The following UBN2 variants were observed in gnomAD, a reference collection of about 807,000 sequenced individuals.
UBN2 encodes the protein ubinuclein-2.
UBN2 carries 35 observed loss-of-function variants against 120.2 expected under a neutral mutation model. That is an observed-to-expected ratio of 0.29 (90% CI 0.22 to 0.39). UBN2 has a LOEUF of 0.39. UBN2 is among the 10% of genes least tolerant of loss of function. The pLI, the probability that UBN2 is intolerant of heterozygous loss-of-function variation, is 1.00. For synonymous variants in UBN2, 661 were observed against 648.7 expected (o/e 1.02, Z -0.29); for missense variants, 1,693 against 1,663.2 (o/e 1.02, Z -0.31).
downstream of UBN2, among the ~76,000 whole-genome samples, chr7:139,309,526 A>G (rs1026743405): frequency 7.9e-5 from 12 of 152,254 alleles, no homozygotes; most frequent in Middle Eastern, 3.2e-3. Flanking sequence ...ATGTTAACAT[A>G]TAAAGGTGTC....
At position 139,302,570 on chromosome 7, in the gene UBN2, A is replaced by T. The variant is rs1318983040; in HGVS notation, c.*4734A>T. On this transcript the variant is annotated 3_prime_UTR_variant, in exon 18 of 18. Transcript: ENST00000473989. ...CGTGGTGGCAGGCGCCTGTAGTCCC[A>T]GCTACTTGGGAGGCTGAGGCAGGAG... The T allele has an allele frequency of 3.9e-5, 6 of 152,292 alleles. No homozygotes were observed. Among genetic ancestry groups the T allele is most frequent in the Admixed American group, 3.9e-4 (6 of 15,270 alleles). The allele number at this position is 152,292 out of a possible 1,614,324, so 9.4% of individuals were successfully genotyped here.
chr7:139,311,095 A>G (rs1461741082), downstream of UBN2, among the ~76,000 whole-genome samples: 1 of 152,218 alleles, frequency 6.6e-6, no homozygotes, highest in Non-Finnish European at 1.5e-5. Context: ...CAAAGCTTTG[A>G]GAAATACTTG....
chr7:139,242,281 C>G (rs976061037), intron 2 of UBN2, among the ~76,000 whole-genome samples: 1 of 152,092 alleles, frequency 6.6e-6, no homozygotes, highest in African/African-American at 2.4e-5. Context: ...ATATCAATTA[C>G]TCATATTATT....
the UBN2 span, among the ~76,000 whole-genome samples, chr7:139,322,617 C>CT: frequency 0.061 from 6,310 of 102,732 alleles, 753 homozygotes; most frequent in African/African-American, 0.19. Flanking sequence ...ACCATCTGGA[C>CT]TTTTTTTTTT....
intron 2 of UBN2, among the ~76,000 whole-genome samples, chr7:139,246,219 G>A (rs1320704027): frequency 6.6e-6 from 1 of 152,066 alleles, no homozygotes; most frequent in Non-Finnish European, 1.5e-5. Flanking sequence ...ACAAAAATTA[G>A]CTGGGTGTGG....
At chr7:139,242,933 A>C (rs1796362172) in intron 2 of UBN2, among the ~76,000 whole-genome samples, 1 of 152,200 alleles carries the variant, frequency 6.6e-6, no homozygotes, top group African/African-American at 2.4e-5. Context: ...ACAAGTAGGG[A>C]GTCTTGTGAC....
At chr7:139,241,735 G>T (rs1796323692) in intron 2 of UBN2, among the ~76,000 whole-genome samples, 1 of 152,190 alleles carries the variant, frequency 6.6e-6, no homozygotes, top group South Asian at 2.1e-4. Flanking sequence ...AGCGGCCCGT[G>T]CCTGTAATCC....
chr7:139,237,319 CAG>C (rs1554468763), intron 2 of UBN2, among the ~76,000 whole-genome samples: 2 of 152,140 alleles, frequency 1.3e-5, no homozygotes, highest in South Asian at 2.1e-4. Context: ...ATTTTGGAAA[CAG>C]GGTCTCGCTC....
chr7:139,239,876 G>A (rs1796268249), intron 2 of UBN2, among the ~76,000 whole-genome samples: 1 of 152,070 alleles, frequency 6.6e-6, no homozygotes, highest in African/African-American at 2.4e-5. Flanking sequence ...ATTTTGCTGT[G>A]GGTTACAAAA....
the UBN2 span, among the ~76,000 whole-genome samples, chr7:139,315,934 G>A: frequency 5.3e-5 from 8 of 151,824 alleles, no homozygotes; most frequent in Non-Finnish European, 7.4e-5. Flanking sequence ...AAAATTAGCC[G>A]GGCGTGGTGG....
intron 6 of UBN2, among the ~76,000 whole-genome samples, chr7:139,263,975 A>AT (rs1007860392): frequency 6.6e-6 from 1 of 152,120 alleles, no homozygotes; most frequent in East Asian, 1.9e-4. Context: ...AAGGAAATCT[A>AT]TTTTTTATTC....
At chr7:139,240,309 T>A (rs1271115586) in intron 2 of UBN2, among the ~76,000 whole-genome samples, 1 of 151,080 alleles carries the variant, frequency 6.6e-6, no homozygotes, top group African/African-American at 2.4e-5. Flanking sequence ...ATTTATTTGG[T>A]AGAGACAGGG....
At position 139,283,562 on chromosome 7, in the gene UBN2, A is replaced by C; in HGVS notation, c.2657A>C (p.Gln886Pro). ...LLQQGLQRSS[Q>P]IHTSSSSQTH... ...CAACAAGGACTTCAGAGGTCAAGCC[A>C]GATTCACACTTCTTCCTCTTCACAG... The change falls in exon 15 of 18, where the codon CAG becomes CCG. Residue 886 changes from glutamine (Q) to proline (P), a missense_variant. Gln to Pro is a moderately conservative substitution (Grantham distance 76). Coordinates refer to ENST00000473989, the MANE Select transcript of UBN2 (RefSeq NM_173569.4). The C allele has an allele frequency of 6.2e-7, 1 of 1,614,188 alleles. No homozygotes were observed. The highest frequency in any genetic ancestry group is 8.5e-7 in the Non-Finnish European group (1 of 1,180,042).
intron 15 of UBN2, among the ~76,000 whole-genome samples, chr7:139,284,803 C>T (rs1046422636): frequency 5.3e-5 from 8 of 151,902 alleles, no homozygotes; most frequent in Admixed American, 2.6e-4. Flanking sequence ...CAAAGGTGCA[C>T]CAGCATTCAG....
At chr7:139,284,596 A>C in intron 15 of UBN2, 22 bp downstream of exon 15, 1 of 1,569,564 alleles carries the variant, frequency 6.4e-7, no homozygotes, top group Non-Finnish European at 8.6e-7. Context: ...CTGTACGTCC[A>C]TGTGATAAAC....
At chr7:139,291,849 G>A (rs576817721) in intron 15 of UBN2, among the ~76,000 whole-genome samples, 29 of 151,758 alleles carry the variant, frequency 1.9e-4, no homozygotes, top group Admixed American at 1.2e-3. Flanking sequence ...GTGAAACCCC[G>A]TCTCTAAAAA....
At position 139,306,678 on chromosome 7, in the gene UBN2, T is replaced by TA. The variant is rs1396692435; in HGVS notation, c.*8843dup. 2 of 152,244 alleles carry TA rather than the reference T, an allele frequency of 1.3e-5. No homozygotes were observed. Among genetic ancestry groups the TA allele is most frequent in the Admixed American group, 6.5e-5 (1 of 15,290 alleles). 9.4% of individuals were successfully genotyped at this position (152,244 alleles called of 1,614,324 possible). ...CTTTTGTTGATTGTCATTGAAAACT[T>TA]ACTTTATTTCAGAAAGTATCAAAAA... On this transcript the variant is annotated 3_prime_UTR_variant, in exon 18 of 18. Transcript: ENST00000473989.
In UBN2 at chr7:139,269,673, C is replaced by A. The variant is rs918084023; in HGVS notation, c.1596+150C>A. 5 of 825,998 alleles carry A rather than the reference C, an allele frequency of 6.1e-6. No homozygotes were observed. The African/African-American group carries it at 7.0e-5, about 12-fold the overall frequency. The allele number at this position is 825,998 out of a possible 1,614,324, so 51.2% of individuals were successfully genotyped here. A position where few individuals can be genotyped will look rare whatever the true frequency, so the allele number is the denominator to read the frequency against. The stretch of plus-strand genomic sequence containing the variant: ...GAGGTTATTAAAAGTATGTTGGATC[C>A]CCTGAAAAATAATTGCGTCTTCAAC... On this transcript the variant is annotated intron_variant, in intron 8 of 17. Coordinates refer to ENST00000473989, the MANE Select transcript of UBN2 (RefSeq NM_173569.4).
chr7:139,290,261 A>G (rs1797915351), intron 15 of UBN2, among the ~76,000 whole-genome samples: 2 of 152,146 alleles, frequency 1.3e-5, no homozygotes. Context: ...AAGTTGATGC[A>G]GGATCTTTTC....
Sources: allele counts gnomAD v4.1 joint callset (sites outside exome capture counted in the v4.1 genomes callset), GRCh38; gene constraint gnomAD v4.1.1; transcripts MANE v1.5; gene names NCBI Gene and HGNC (gene_info 2026-07-23, HGNC 2026-07-21).